FBP2: variants seen among roughly 807,000 people sequenced by gnomAD.
FBP2 encodes the protein fructose-1,6-bisphosphatase isozyme 2.
Under a neutral mutation model 31.6 loss-of-function variants are expected in FBP2, and 27 were observed. That is an observed-to-expected ratio of 0.85 (90% CI 0.63 to 1.18). The LOEUF (loss-of-function observed/expected upper bound fraction) is 1.18. Among genes scored for constraint, FBP2 ranks in the 50% most tolerant of loss-of-function variants. The pLI is 0.00. For missense variants in FBP2, 421 were observed against 436.1 expected, an observed-to-expected ratio of 0.97 and a Z score of 0.31; for synonymous variants, 168 against 179.8, an observed-to-expected ratio of 0.93 and a Z score of 0.53.
chr9:94,559,584 C>T (rs139211583), intron 6 of FBP2, among the ~76,000 whole-genome samples: 1,744 of 151,398 alleles, frequency 0.012, 24 homozygotes, highest in South Asian at 0.027. Flanking sequence ...TCTCTGGGGA[C>T]AGCCACAGTG....
At chr9:94,590,096 A>C (rs1827475355) in intron 1 of FBP2, among the ~76,000 whole-genome samples, 1 of 150,144 alleles carries the variant, frequency 6.7e-6, no homozygotes, top group Non-Finnish European at 1.5e-5. Flanking sequence ...CCCTCTCTCC[A>C]GGCACTGGGC....
chr9:94,563,517 C>G (rs929012205), intron 5 of FBP2, 56 bp from the exon 6 acceptor site: 1 of 1,581,760 alleles, frequency 6.3e-7, no homozygotes. Flanking sequence ...TTAGCCAGCA[C>G]CTGCTCGTGG....
intron 3 of FBP2, among the ~76,000 whole-genome samples, chr9:94,583,565 A>G (rs1424049599): frequency 1.3e-5 from 2 of 152,150 alleles, no homozygotes; most frequent in African/African-American, 4.8e-5. Flanking sequence ...TCTCAAATAC[A>G]ATGTAACTGG....
At position 94,581,895 on chromosome 9, in the gene FBP2, A is replaced by T. The variant is rs557806106; in HGVS notation, c.426+2682T>A. Among the ~76,000 whole-genome samples the T allele has an allele frequency of 4.6e-5, 7 of 152,304 alleles. No individual in the cohort carries two copies. In the East Asian group the frequency reaches 1.4e-3, roughly 29 times the overall value. On this transcript the variant is annotated intron_variant, in intron 3 of 6. Transcript: ENST00000375337. ...AATAGGCTGTTTGTCACAATAAAAT[A>T]CCCAATTAGAAACGGGACCTAAGGC...
intron 2 of FBP2, among the ~76,000 whole-genome samples, chr9:94,586,176 A>G (rs984176194): frequency 6.6e-6 from 1 of 152,102 alleles, no homozygotes; most frequent in Non-Finnish European, 1.5e-5. Flanking sequence ...AGAGTTCAAG[A>G]CCAGCCTGGC....
At chr9:94,567,720 A>T (rs1172825647) in intron 4 of FBP2, 2 of 292,256 alleles carry the variant, frequency 6.8e-6, no homozygotes, top group African/African-American at 4.2e-5. Flanking sequence ...TGGTGAACCC[A>T]ACTGTGTGTA....
chr9:94,559,239 C>A (rs939778575), intron 6 of FBP2, 107 bp from the exon 7 acceptor site: 1 of 908,782 alleles, frequency 1.1e-6, no homozygotes, highest in African/African-American at 1.7e-5. Context: ...TTCCATCTGG[C>A]TAGCATGAGC....
chr9:94,592,507 GA>G (rs1827513353), intron 1 of FBP2, among the ~76,000 whole-genome samples: 1 of 152,094 alleles, frequency 6.6e-6, no homozygotes, highest in Admixed American at 6.5e-5. Context: ...TACTACAAGG[GA>G]AGCCCAAAGA....
intron 3 of FBP2, chr9:94,573,009 T>C (rs1018966395): frequency 6.6e-6 from 1 of 152,230 alleles, no homozygotes; most frequent in Non-Finnish European, 1.5e-5. Context: ...TAGACCATCA[T>C]GTCGTCTGCA....
chr9:94,580,457 T>A (rs193121497), intron 3 of FBP2, among the ~76,000 whole-genome samples: 3 of 152,336 alleles, frequency 2.0e-5, no homozygotes, highest in Non-Finnish European at 4.4e-5. Context: ...CCTCAAGTGA[T>A]CCACCTGCCT....
Position 94,593,542 on chromosome 9 carries a change from C to G in FBP2, c.170+15G>C. ...TGGGGTGCTCTGTGCCCCATGCCTG[C>G]TCCCCAGGACTCACAGGTGGGCCAG... On this transcript the variant is annotated intron_variant, in intron 1 of 6. Transcript: ENST00000375337. 6.2e-7 allele frequency: 1 copy of G among 1,607,690 alleles called. No individual in the cohort carries two copies. Among genetic ancestry groups the G allele is most frequent in the South Asian group, 1.1e-5 (1 of 90,204 alleles).
intron 3 of FBP2, among the ~76,000 whole-genome samples, chr9:94,573,420 C>G (rs376102242): frequency 6.6e-6 from 1 of 152,204 alleles, no homozygotes. Flanking sequence ...TACCACCCCC[C>G]TCTCCAGCTA....
chr9:94,559,183 C>A, intron 6 of FBP2, 51 bp from the exon 7 acceptor site: 1 of 1,521,052 alleles, frequency 6.6e-7, no homozygotes. Flanking sequence ...GCCAAATGTC[C>A]CGAGCCATGC....
intron 1 of FBP2, among the ~76,000 whole-genome samples, chr9:94,590,128 A>C (rs542229396): frequency 1.3e-5 from 2 of 152,062 alleles, no homozygotes; most frequent in African/African-American, 4.8e-5. Flanking sequence ...TCCTAGAAAG[A>C]ATGGAAACTC....
At chr9:94,592,006 G>A (rs1461262709) in intron 1 of FBP2, among the ~76,000 whole-genome samples, 3 of 152,258 alleles carry the variant, frequency 2.0e-5, no homozygotes, top group East Asian at 1.9e-4. Flanking sequence ...CCTGCACAGA[G>A]GGGGAGCCCA....
intron 5 of FBP2, among the ~76,000 whole-genome samples, chr9:94,564,177 T>C (rs1363428337): frequency 1.3e-5 from 2 of 152,162 alleles, no homozygotes; most frequent in East Asian, 1.9e-4. Context: ...CAGAAAAATA[T>C]ACATTCTTCT....
At chr9:94,564,805 T>C (rs1218663400) in intron 5 of FBP2, among the ~76,000 whole-genome samples, 1 of 152,128 alleles carries the variant, frequency 6.6e-6, no homozygotes, top group Non-Finnish European at 1.5e-5. Flanking sequence ...TACCCCTGAA[T>C]CTAAAATAAA....
intron 3 of FBP2, among the ~76,000 whole-genome samples, chr9:94,583,720 C>T (rs1271214018): frequency 6.6e-6 from 1 of 152,198 alleles, no homozygotes; most frequent in Non-Finnish European, 1.5e-5. Flanking sequence ...TTGCCTCAGC[C>T]TCCTGAGTAG....
rs190669676 is a variant in FBP2, at chr9:94,564,990, A to G, written c.706-1529T>C. Among the ~76,000 whole-genome samples the G allele has an allele frequency of 7.0e-4, 106 of 152,310 alleles. 1 individual carries two copies. Among genetic ancestry groups the G allele is most frequent in the African/African-American group, 2.5e-3 (104 of 41,566 alleles). ...AAATGTCTGAGATGATGGATTTCCT[A>G]ATTATACTGATCTGATCACTGTATA... is the stretch of plus-strand genomic sequence containing the variant. On this transcript the variant is annotated intron_variant, in intron 5 of 6. Coordinates refer to ENST00000375337, the MANE Select transcript of FBP2 (RefSeq NM_003837.4).
Sources: allele counts gnomAD v4.1 joint callset (sites outside exome capture counted in the v4.1 genomes callset), GRCh38; gene constraint gnomAD v4.1.1; transcripts MANE v1.5; gene names NCBI Gene and HGNC (gene_info 2026-07-23, HGNC 2026-07-21).